AP1B1: variants seen among roughly 807,000 people sequenced by gnomAD.
AP1B1 encodes AP-1 complex subunit beta-1.
A neutral mutation model predicts 104.3 loss-of-function variants in AP1B1; 36 were observed. The observed-to-expected ratio is 0.35, with a 90% CI of 0.26 to 0.46. AP1B1 has a LOEUF of 0.46. Among genes scored for constraint, AP1B1 ranks in the 20% least tolerant of loss-of-function variants. The pLI, the probability that AP1B1 is intolerant of heterozygous loss-of-function variation, is 1.00. For synonymous variants in AP1B1, 504 were observed against 517.5 expected (o/e 0.97, Z 0.35); for missense variants, 901 against 1,247.9 (o/e 0.72, Z 4.19).
intron 10 of AP1B1, 146 bp downstream of exon 10, chr22:29,349,889 C>T (rs986119465): frequency 2.0e-5 from 14 of 684,604 alleles, no homozygotes; most frequent in African/African-American, 5.4e-5. Flanking sequence ...GCAGTGTGGA[C>T]GAAATAAAAA....
intron 1 of AP1B1, among the ~76,000 whole-genome samples, chr22:29,369,545 G>A (rs2062197883): frequency 1.3e-5 from 2 of 152,354 alleles, no homozygotes; most frequent in South Asian, 2.1e-4. Context: ...GTCTGATGTT[G>A]CAAGTCCCAC....
At chr22:29,363,334 A>G in intron 2 of AP1B1, among the ~76,000 whole-genome samples, 1 of 152,154 alleles carries the variant, frequency 6.6e-6, no homozygotes, top group African/African-American at 2.4e-5. Flanking sequence ...AGTCGCTCAT[A>G]CCTGTAATCC....
chr22:29,357,000 G>C (rs984093363), intron 5 of AP1B1, among the ~76,000 whole-genome samples: 6 of 152,164 alleles, frequency 3.9e-5, no homozygotes, highest in African/African-American at 1.4e-4. Flanking sequence ...GGAGTGGATG[G>C]GGGCTTGCCA....
chr22:29,343,049 A>G (rs368362534), intron 11 of AP1B1, among the ~76,000 whole-genome samples: 6 of 152,204 alleles, frequency 3.9e-5, no homozygotes, highest in East Asian at 1.9e-4. Context: ...TGTGGGCTGG[A>G]GTGATGTCTG....
In AP1B1 at chr22:29,349,311, C is replaced by A; in HGVS notation, c.1344G>T (p.Met448Ile). 6.2e-7 allele frequency: 1 copy of A among 1,614,156 alleles called. No individual in the cohort carries two copies. The highest frequency in any genetic ancestry group is 8.5e-7 in the Non-Finnish European group (1 of 1,180,040). ...SLDEPEARAA[M>I]IWIVGEYAER... The stretch of plus-strand genomic sequence containing the variant: ...CCGCGTACTCGCCCACAATCCAGAT[C>A]ATGGCAGCCCGGGCCTCAGGCTCAT... The change falls in exon 11 of 23, where the codon ATG becomes ATT. Residue 448 changes from methionine to isoleucine, a missense_variant. Transcript: ENST00000357586.
chr22:29,367,933 A>G (rs114247226), intron 1 of AP1B1, among the ~76,000 whole-genome samples: 1,545 of 152,192 alleles, frequency 0.01, 19 homozygotes, highest in African/African-American at 0.035. Flanking sequence ...TCCCAAATCT[A>G]CCTGGCCAGT....
At chr22:29,357,052 G>GTTTT (rs1055116566) in intron 5 of AP1B1, among the ~76,000 whole-genome samples, 1 of 125,824 alleles carries the variant, frequency 7.9e-6, no homozygotes, top group African/African-American at 3.3e-5. Context: ...CTAGGAAGGT[G>GTTTT]TTTTTTTTTG....
chr22:29,359,812 G>A lies in AP1B1; in HGVS notation c.279+12C>T. 1 of 1,610,586 alleles carries A rather than the reference G, an allele frequency of 6.2e-7. No individual in the cohort carries two copies. On this transcript the variant is annotated intron_variant, in intron 4 of 22. Transcript: ENST00000357586. ...CACCCAATGTCCCCACGCCCACCAAGCGTCTGCTCACCTTCACAAAGGTGT... is the reference window on the plus strand; with the variant it reads ...CACCCAATGTCCCCACGCCCACCAAACGTCTGCTCACCTTCACAAAGGTGT...
intron 3 of AP1B1, 94 bp from the exon 4 acceptor site, chr22:29,360,053 T>A: frequency 7.1e-7 from 1 of 1,416,514 alleles, no homozygotes; most frequent in Non-Finnish European, 9.6e-7. Flanking sequence ...GGACAGTGGG[T>A]AGGAGAGAAA....
intron 1 of AP1B1, among the ~76,000 whole-genome samples, chr22:29,371,335 C>T (rs916913960): frequency 2.6e-5 from 4 of 152,194 alleles, no homozygotes; most frequent in Non-Finnish European, 4.4e-5. Context: ...TTTCCTGGCA[C>T]CTGCTTGGCT....
In AP1B1 at chr22:29,368,439, C is replaced by T. The variant is rs560861101; in HGVS notation, c.-27-1169G>A. ...GCAACAGATGAAAGAAAAGAAGTTA[C>T]ACAGGAACCAAGATACCCTAGATAC... On this transcript the variant is annotated intron_variant, in intron 1 of 22. Transcript: ENST00000357586. Among the ~76,000 whole-genome samples the T allele has an allele frequency of 3.3e-4, 51 of 152,348 alleles. No individual in the cohort carries two copies. In the South Asian group the frequency reaches 0.01, roughly 30 times the overall value.
chr22:29,348,584 G>T (rs1347524082), intron 11 of AP1B1, among the ~76,000 whole-genome samples: 1 of 152,146 alleles, frequency 6.6e-6, no homozygotes, highest in African/African-American at 2.4e-5. Flanking sequence ...CATTTAAAAA[G>T]GTTATTAACT....
chr22:29,339,164 G>A (rs750207501), intron 15 of AP1B1, 31 bp from the exon 16 acceptor site: 109 of 1,613,518 alleles, frequency 6.8e-5, no homozygotes, highest in Middle Eastern at 1.7e-4. Context: ...TCAGAGGTGG[G>A]CGTCAAGAGG....
chr22:29,359,010 T>C (rs1446776660), intron 4 of AP1B1, 39 bp from the exon 5 acceptor site: 1 of 1,564,016 alleles, frequency 6.4e-7, no homozygotes, highest in East Asian at 2.3e-5. Context: ...AGGGGTGGGA[T>C]GAGCCATCTG....
chr22:29,328,766 G>A lies in AP1B1; in HGVS notation c.*55C>T, dbSNP rs1049978267. 34 of 1,570,352 alleles carry A rather than the reference G, an allele frequency of 2.2e-5. No homozygotes were observed. The highest frequency in any genetic ancestry group is 5.4e-5 in the African/African-American group (4 of 74,552). ...GCGAGGAGGAAGATGTGCTGCCCCC[G>A]AGGGGCCTCCTCGATGGGGCGGGCA... On this transcript the variant is annotated 3_prime_UTR_variant, in exon 23 of 23. Transcript: ENST00000357586. This position sits in a 1 kb window ranked among gnomAD's most constrained non-coding sequence, Gnocchi z 4.1.
intron 17 of AP1B1, chr22:29,333,341 G>A (rs1484323560): frequency 6.5e-6 from 1 of 153,890 alleles, no homozygotes; most frequent in East Asian, 1.9e-4. Flanking sequence ...CGGTGGGGAG[G>A]GGCCTGAAGC....
In AP1B1 at chr22:29,378,165, G is replaced by A. The variant is rs534983138; in HGVS notation, c.-28+10259C>T. Among the ~76,000 whole-genome samples the A allele has an allele frequency of 9.3e-4, 142 of 152,264 alleles. 1 individual carries two copies. The highest frequency in any genetic ancestry group is 1.4e-3 in the Admixed American group (21 of 15,288). On this transcript the variant is annotated intron_variant, in intron 1 of 22. Transcript: ENST00000357586. ...CCAGCCCAGCCGGTTTGGACAACAG[G>A]GAACGTCAAGTTTGGTCATGTGCCT... is the stretch of plus-strand genomic sequence containing the variant.
chr22:29,330,590 G>A (rs748302074), intron 20 of AP1B1, 33 bp downstream of exon 20: 15 of 1,613,380 alleles, frequency 9.3e-6, no homozygotes, highest in Admixed American at 3.3e-5. Context: ...GGGTACAGGC[G>A]AGGGGCTGGG....
At chr22:29,366,833 GACACACACACACACACACACACAC>G (rs200885223) in intron 2 of AP1B1, among the ~76,000 whole-genome samples, 1 of 131,308 alleles carries the variant, frequency 7.6e-6, no homozygotes, top group Non-Finnish European at 1.6e-5. Flanking sequence ...CTTGGATAAG[GACACACACACACACACACACACAC>G]ACACACACAC....
Sources: gnomAD v4.1 joint callset for allele counts (sites outside exome capture counted in the v4.1 genomes callset) on GRCh38, gnomAD v4.1.1 for gene constraint, Gnocchi (gnomAD v3.1) non-coding constraint, MANE v1.5 for transcripts, NCBI Gene and HGNC (gene_info 2026-07-23, HGNC 2026-07-21) for gene names.